SRSF7: variants seen among roughly 807,000 people sequenced by gnomAD.
The protein encoded by SRSF7 is serine and arginine rich splicing factor 7.
In SRSF7, 15 loss-of-function variants were observed where a neutral mutation model predicts 42.2. The observed-to-expected ratio is 0.36, with a 90% CI of 0.24 to 0.55. The LOEUF is 0.55. SRSF7 is among the 20% of genes least tolerant of loss of function. The probability of loss-of-function intolerance (pLI) is 0.88; values close to 1 mark genes in which losing one functional copy is unlikely to be tolerated. For missense variants in SRSF7, 181 were observed against 305.9 expected (o/e 0.59, Z 3.04); for synonymous variants, 138 against 107.9 (o/e 1.28, Z -1.73).
chr2:38,746,977 A>C (rs908679031), intron 5 of SRSF7: 3 of 709,930 alleles, frequency 4.2e-6, no homozygotes, highest in Non-Finnish European at 7.5e-6. Context: ...CTGTACAGGT[A>C]TAACATTCTC....
upstream of SRSF7, chr2:38,751,417 T>C (rs1668353153): frequency 4.3e-6 from 4 of 920,978 alleles, no homozygotes; most frequent in Admixed American, 2.2e-5. Context: ...TGCGCATGCG[T>C]CATCTCGTTG....
At chr2:38,746,641 T>G in intron 6 of SRSF7, 53 bp downstream of exon 6, 15 of 1,604,292 alleles carry the variant, frequency 9.3e-6, no homozygotes, top group Non-Finnish European at 1.1e-5. Context: ...CTTTGAACTC[T>G]TTGGATATTG....
At position 38,749,721 on chromosome 2, in the gene SRSF7, T is replaced by C. The variant is rs1367700277; in HGVS notation, c.210-16A>G. On this transcript the variant is annotated splice_polypyrimidine_tract_variant and intron_variant, in intron 2 of 7. Transcript: ENST00000313117. ...ACAAATCACCCTAATAAAAGCAAAT[T>C]AACAAAATTCTAAAGTTAAAAATAT... The C allele has an allele frequency of 6.6e-7, 1 of 1,523,046 alleles. No homozygotes were observed. Among genetic ancestry groups the C allele is most frequent in the African/African-American group, 1.4e-5 (1 of 71,608 alleles). The allele number at this position is 1,523,046 out of a possible 1,614,324, so 94.3% of individuals were successfully genotyped here.
chr2:38,748,177 G>A lies in SRSF7; in HGVS notation c.462-20C>T, dbSNP rs996457540. 3.8e-6 allele frequency: 6 copies of A among 1,573,000 alleles called. No individual in the cohort carries two copies. Among genetic ancestry groups the A allele is most frequent in the Middle Eastern group, 1.7e-4 (1 of 5,944 alleles). On this transcript the variant is annotated intron_variant, in intron 4 of 7. Coordinates refer to ENST00000313117, the MANE Select transcript of SRSF7 (RefSeq NM_001031684.3). ...CTTGACCTAAAATAAAGAACTTTAA[G>A]TCCATCTCCACAGTTTTTTTTTTTT...
At chr2:38,750,275 G>A (rs1284359309) in intron 1 of SRSF7, 81 bp from the exon 2 acceptor site, 9 of 1,344,188 alleles carry the variant, frequency 6.7e-6, no homozygotes, top group Non-Finnish European at 3.1e-6. Flanking sequence ...CTTAAAACGG[G>A]CCATCCTCAA....
At chr2:38,751,079 G>T in intron 1 of SRSF7, 150 bp downstream of exon 1, 1 of 995,034 alleles carries the variant, frequency 1.0e-6, no homozygotes, top group Non-Finnish European at 1.6e-6. Context: ...TCAGCACCCC[G>T]CCTCCGCTGC....
In SRSF7 at chr2:38,746,135, T is replaced by C; in HGVS notation, c.662+9A>G. ...CAGGCAAGATTTGGCAACAAAACAT[T>C]TAGCTTACCTTCTTTTTGGAGATGG... On this transcript the variant is annotated intron_variant, in intron 7 of 7. Transcript: ENST00000313117. 1.2e-6 allele frequency: 2 copies of C among 1,614,096 alleles called. No homozygotes were observed. Among genetic ancestry groups the C allele is most frequent in the African/African-American group, 2.7e-5 (2 of 75,032 alleles).
chr2:38,750,873 T>C, intron 1 of SRSF7: 1 of 295,000 alleles, frequency 3.4e-6, no homozygotes, highest in South Asian at 3.6e-5. Context: ...GCTGAGGAAA[T>C]GCGCCACCAC....
intron 5 of SRSF7, 109 bp from the exon 6 acceptor site, chr2:38,746,856 C>T: frequency 1.3e-6 from 2 of 1,526,378 alleles, no homozygotes; most frequent in Non-Finnish European, 1.8e-6. Context: ...TAAAACTAAA[C>T]AAGATGCAAC....
At chr2:38,748,501 AT>A in intron 4 of SRSF7, 77 bp downstream of exon 4, 32 of 1,483,800 alleles carry the variant, frequency 2.2e-5, no homozygotes, top group Non-Finnish European at 3.0e-5. Flanking sequence ...TCCAAAAAAA[AT>A]AATGAGCTTT....
Position 38,745,059 on chromosome 2 carries a change from C to T in SRSF7, c.*74G>A. 2 of 1,471,098 alleles carry T rather than the reference C, an allele frequency of 1.4e-6. No homozygotes were observed. The highest frequency in any genetic ancestry group is 1.9e-6 in the Non-Finnish European group (2 of 1,056,632). The allele number at this position is 1,471,098 out of a possible 1,614,324, so 91.1% of individuals were successfully genotyped here. A position where few individuals can be genotyped will look rare whatever the true frequency, so the allele number is the denominator to read the frequency against. ...GTTGAATTATCTTTCCTAGGTTACA[C>T]TTTACAGACATCACAAATCCCTTAT... On this transcript the variant is annotated 3_prime_UTR_variant, in exon 8 of 8. Coordinates refer to ENST00000313117, the MANE Select transcript of SRSF7 (RefSeq NM_001031684.3).
chr2:38,749,396 T>A, intron 3 of SRSF7, 133 bp downstream of exon 3: 1 of 1,553,384 alleles, frequency 6.4e-7, no homozygotes, highest in Non-Finnish European at 8.7e-7. Flanking sequence ...ATTTTTTTAA[T>A]TAAACAAAAA....
intron 3 of SRSF7, chr2:38,748,967 T>C: frequency 1.5e-6 from 2 of 1,301,970 alleles, no homozygotes; most frequent in South Asian, 1.5e-5. Flanking sequence ...GAAGTATCTA[T>C]AGCCGATCGC....
intron 7 of SRSF7, among the ~76,000 whole-genome samples, 196 bp downstream of exon 7, chr2:38,745,948 C>G (rs1318856453): frequency 6.6e-6 from 1 of 151,912 alleles, no homozygotes. Context: ...CATTTTATGA[C>G]TAAGTATTTC....
upstream of SRSF7, chr2:38,751,446 A>C (rs1351787215): frequency 2.7e-6 from 2 of 728,420 alleles, no homozygotes; most frequent in African/African-American, 1.8e-5. Context: ...GGCACAAAGG[A>C]GCTGGGCGGA....
chr2:38,751,263 A>G lies in SRSF7; in HGVS notation c.-7T>C. 1 of 1,614,154 alleles carries G rather than the reference A, an allele frequency of 6.2e-7. No homozygotes were observed. Among genetic ancestry groups the G allele is most frequent in the Non-Finnish European group, 8.5e-7 (1 of 1,179,996 alleles). On this transcript the variant is annotated 5_prime_UTR_variant, in exon 1 of 8. Coordinates refer to ENST00000313117, the MANE Select transcript of SRSF7 (RefSeq NM_001031684.3). Reference sequence around the variant, plus strand: ...ACCGCCCGTAACGCGACATGATGACAGACCCGCGTGCTCGGCTCTTTAGCA... The same window carrying G: ...ACCGCCCGTAACGCGACATGATGACGGACCCGCGTGCTCGGCTCTTTAGCA...
At position 38,744,069 on chromosome 2, in the gene SRSF7, G is replaced by GCT; in HGVS notation, c.*1062_*1063dup. ...TACCAGATGCTACCAAAAAATATTA[G>GCT]CTACATGGAGTGTTGCTAAATATAG... On this transcript the variant is annotated 3_prime_UTR_variant, in exon 8 of 8. Coordinates refer to ENST00000313117, the MANE Select transcript of SRSF7 (RefSeq NM_001031684.3). 2 of 152,344 alleles carry GCT rather than the reference G, an allele frequency of 1.3e-5. No individual in the cohort carries two copies. Among genetic ancestry groups the GCT allele is most frequent in the Non-Finnish European group, 2.9e-5 (2 of 68,034 alleles). The allele number at this position is 152,344 out of a possible 1,614,324, so 9.4% of individuals were successfully genotyped here.
chr2:38,745,703 C>CA (rs1667278542), intron 7 of SRSF7, among the ~76,000 whole-genome samples: 1 of 151,872 alleles, frequency 6.6e-6, no homozygotes, highest in African/African-American at 2.4e-5. Context: ...ATTGCAAGGT[C>CA]AACCTGCAGT....
chr2:38,744,423 A>G lies in SRSF7; in HGVS notation c.*710T>C. Reference sequence around the variant, plus strand: ...GACCATTGAGAGTAGAACTCCCCATATCTTGGGGAGTCCTAATTAACACTA... The same window carrying G: ...GACCATTGAGAGTAGAACTCCCCATGTCTTGGGGAGTCCTAATTAACACTA... On this transcript the variant is annotated 3_prime_UTR_variant, in exon 8 of 8. Coordinates refer to ENST00000313117, the MANE Select transcript of SRSF7 (RefSeq NM_001031684.3). 1 of 152,566 alleles carries G rather than the reference A, an allele frequency of 6.6e-6. No homozygotes were observed. Among genetic ancestry groups the G allele is most frequent in the African/African-American group, 2.4e-5 (1 of 41,426 alleles). 9.5% of individuals were successfully genotyped at this position (152,566 alleles called of 1,614,324 possible).
Sources: allele counts gnomAD v4.1 joint callset (sites outside exome capture counted in the v4.1 genomes callset), GRCh38; gene constraint gnomAD v4.1.1; transcripts MANE v1.5; gene names NCBI Gene and HGNC (gene_info 2026-07-23, HGNC 2026-07-21).